The following FNDC1 variants were observed in gnomAD, a reference collection of about 807,000 sequenced individuals.
FNDC1 encodes fibronectin type III domain containing 1, also known as fibronectin type III domain-containing protein 1.
Under a neutral mutation model 168.0 loss-of-function variants are expected in FNDC1, and 96 were observed. That is an observed-to-expected ratio of 0.57 (90% CI 0.48 to 0.68). The LOEUF is 0.68. Among genes scored for constraint, FNDC1 ranks in the 30% least tolerant of loss-of-function variants. The pLI, the probability that FNDC1 is intolerant of heterozygous loss-of-function variation, is 0.00. For missense variants in FNDC1, 2,587 were observed against 2,482.1 expected, an observed-to-expected ratio of 1.04 and a Z score of -0.90; for synonymous variants, 1,099 against 1,025.9, an observed-to-expected ratio of 1.07 and a Z score of -1.36.
At chr6:159,243,781 T>C (rs1783482460) in intron 14 of FNDC1, among the ~76,000 whole-genome samples, 1 of 152,236 alleles carries the variant, frequency 6.6e-6, no homozygotes, top group Non-Finnish European at 1.5e-5. Context: ...TTATTTTTAC[T>C]TGGAGCCAGG....
chr6:159,200,142 C>A, intron 3 of FNDC1, 60 bp downstream of exon 3: 2 of 1,187,492 alleles, frequency 1.7e-6, no homozygotes, highest in Non-Finnish European at 2.4e-6. Context: ...AGAGACATCC[C>A]TCCTTGCTTC....
intron 1 of FNDC1, among the ~76,000 whole-genome samples, chr6:159,181,516 G>A (rs1028247328): frequency 6.6e-6 from 1 of 152,222 alleles, no homozygotes; most frequent in Non-Finnish European, 1.5e-5. Context: ...AGTTGGGATT[G>A]CTGTGGCCAT....
At chr6:159,265,976 CT>C in intron 20 of FNDC1, 107 bp from the exon 21 acceptor site, 1 of 1,127,740 alleles carries the variant, frequency 8.9e-7, no homozygotes, top group Non-Finnish European at 1.3e-6. Flanking sequence ...ACAAAAAGCC[CT>C]GTAAGGAAAG....
intron 6 of FNDC1, 22 bp from the exon 7 acceptor site, chr6:159,223,505 TC>T (rs1782881620): frequency 2.0e-6 from 3 of 1,535,630 alleles, no homozygotes; most frequent in African/African-American, 1.4e-5. Context: ...AAAGCCTTTC[TC>T]TGGGTCTCGT....
intron 5 of FNDC1, among the ~76,000 whole-genome samples, chr6:159,219,965 A>T (rs1782786448): frequency 6.6e-6 from 1 of 152,212 alleles, no homozygotes; most frequent in Admixed American, 6.5e-5. Flanking sequence ...TGACTCCTCC[A>T]TATAGAAGCT....
At chr6:159,253,462 T>TAG (rs1562309909) in intron 17 of FNDC1, among the ~76,000 whole-genome samples, 1 of 152,220 alleles carries the variant, frequency 6.6e-6, no homozygotes, top group Non-Finnish European at 1.5e-5. Context: ...GCTGGCTACA[T>TAG]GGATGTTGTG....
At chr6:159,215,335 T>C (rs1782687992) in intron 5 of FNDC1, among the ~76,000 whole-genome samples, 184 bp downstream of exon 5, 1 of 152,260 alleles carries the variant, frequency 6.6e-6, no homozygotes, top group Non-Finnish European at 1.5e-5. Flanking sequence ...TTTAACCTTC[T>C]GTTAGTGGCA....
intron 14 of FNDC1, among the ~76,000 whole-genome samples, chr6:159,243,729 C>T (rs2115005938): frequency 6.7e-6 from 1 of 148,390 alleles, no homozygotes; most frequent in Middle Eastern, 3.4e-3. Flanking sequence ...AGGTGGTCAA[C>T]TTTTTTTTTT....
chr6:159,175,453 T>C (rs1454844054), intron 1 of FNDC1, among the ~76,000 whole-genome samples: 2 of 152,228 alleles, frequency 1.3e-5, no homozygotes, highest in African/African-American at 4.8e-5. Flanking sequence ...CTGTATCTCC[T>C]TGTTTTCTTC....
chr6:159,199,653 G>A (rs1197516783), intron 2 of FNDC1, among the ~76,000 whole-genome samples: 1 of 152,190 alleles, frequency 6.6e-6, no homozygotes, highest in African/African-American at 2.4e-5. Context: ...CACCTATTTA[G>A]TGGACAAGGA....
At chr6:159,218,932 G>A (rs942170420) in intron 5 of FNDC1, among the ~76,000 whole-genome samples, 5 of 152,206 alleles carry the variant, frequency 3.3e-5, no homozygotes, top group African/African-American at 7.2e-5. Flanking sequence ...TTTGTGCCAC[G>A]TCCATTACAC....
At chr6:159,269,257 C>CATTTATCTATCTATCT (rs1777668382) in intron 22 of FNDC1, among the ~76,000 whole-genome samples, 1 of 42,624 alleles carries the variant, frequency 2.3e-5, no homozygotes, top group African/African-American at 7.8e-5. Flanking sequence ...ATCCATCTAT[C>CATTTATCTATCTATCT]ATCTATCTAT....
At chr6:159,216,064 C>T (rs986306970) in intron 5 of FNDC1, among the ~76,000 whole-genome samples, 8 of 152,102 alleles carry the variant, frequency 5.3e-5, no homozygotes, top group African/African-American at 9.7e-5. Flanking sequence ...CGGGTTCAGG[C>T]GATTCTCCTG....
intron 18 of FNDC1, among the ~76,000 whole-genome samples, chr6:159,259,431 C>T (rs1777435228): frequency 6.6e-6 from 1 of 152,078 alleles, no homozygotes; most frequent in Non-Finnish European, 1.5e-5. Context: ...AAAACAAAAT[C>T]GATACAAACA....
In FNDC1 at chr6:159,252,174, TA is replaced by T. The variant is rs1777281568; in HGVS notation, c.5065+644del. ...ATATTTGAAGATACATCTTGAAATTTAAGTTCTTATGGAAAGAGAATTGATA... is the reference window on the plus strand; with the variant it reads ...ATATTTGAAGATACATCTTGAAATTTAGTTCTTATGGAAAGAGAATTGATA... On this transcript the variant is annotated intron_variant, in intron 17 of 22. Coordinates refer to ENST00000297267, the MANE Select transcript of FNDC1 (RefSeq NM_032532.3). 5.9e-5 allele frequency among the ~76,000 whole-genome samples: 9 copies of T among 152,342 alleles called. No homozygotes were observed. In the South Asian group the frequency reaches 1.9e-3, roughly 32 times the overall value.
intron 1 of FNDC1, among the ~76,000 whole-genome samples, chr6:159,181,611 T>G (rs948556901): frequency 6.6e-6 from 1 of 152,166 alleles, no homozygotes; most frequent in African/African-American, 2.4e-5. Flanking sequence ...ATGTAGTGTT[T>G]TTACATTGAA....
At chr6:159,203,589 A>G (rs550157360) in intron 4 of FNDC1, among the ~76,000 whole-genome samples, 1 of 152,348 alleles carries the variant, frequency 6.6e-6, no homozygotes, top group South Asian at 2.1e-4. Flanking sequence ...CGAGCCGGAA[A>G]GCTTTCTTTG....
At chr6:159,229,217 C>T (rs994808145) in intron 9 of FNDC1, among the ~76,000 whole-genome samples, 1 of 152,190 alleles carries the variant, frequency 6.6e-6, no homozygotes, top group South Asian at 2.1e-4. Flanking sequence ...TTAGCTATCA[C>T]ATAAATCTAT....
At position 159,236,270 on chromosome 6, in the gene FNDC1, A is replaced by G; in HGVS notation, c.4023A>G (p.Lys1341=). Residue 1341 remains lysine, a synonymous_variant, in exon 12 of 23, where the codon AAA becomes AAG. Transcript: ENST00000297267. ...EGKVLPGSNG[K]PNGQRIINGP... is the part of the protein sequence containing the mutation. ...AAGTCCTTCCTGGTAGTAATGGAAA[A>G]CCGAATGGACAGAGAATTATCAATG... is the stretch of plus-strand genomic sequence containing the variant. 2 of 1,613,808 alleles carry G rather than the reference A, an allele frequency of 1.2e-6. No homozygotes were observed. Among genetic ancestry groups the G allele is most frequent in the Non-Finnish European group, 1.7e-6 (2 of 1,179,790 alleles).
Sources: gnomAD v4.1 joint callset for allele counts (sites outside exome capture counted in the v4.1 genomes callset) on GRCh38, gnomAD v4.1.1 for gene constraint, MANE v1.5 for transcripts, NCBI Gene and HGNC (gene_info 2026-07-23, HGNC 2026-07-21) for gene names.